Variants in SLC30A5 observed in about 807,000 individuals in gnomAD.
SLC30A5 encodes the protein proton-coupled zinc antiporter SLC30A5.
SLC30A5 carries 33 observed loss-of-function variants against 79.6 expected under a neutral mutation model. The observed-to-expected ratio is 0.41, with a 90% CI of 0.31 to 0.55. SLC30A5 has a LOEUF of 0.55. SLC30A5 is among the 20% of genes least tolerant of loss of function. SLC30A5 has a pLI of 0.20. For missense variants in SLC30A5, 788 were observed against 928.1 expected (o/e 0.85, Z 1.96); for synonymous variants, 299 against 319.7 (o/e 0.94, Z 0.69).
In SLC30A5 at chr5:69,116,440, C is replaced by A; in HGVS notation, c.1119C>A (p.Thr373=). 6.2e-7 allele frequency: 1 copy of A among 1,611,412 alleles called. No homozygotes were observed. Among genetic ancestry groups the A allele is most frequent in the South Asian group, 1.1e-5 (1 of 90,412 alleles). Residue 373 remains threonine, a synonymous_variant, in exon 10 of 16, where the codon ACC becomes ACA. Transcript: ENST00000396591. This position sits in a 1 kb window ranked among gnomAD's most constrained non-coding sequence, Gnocchi z 4.0. ...SSPSKRGQKG[T]LIGYSPEGTP... The stretch of plus-strand genomic sequence containing the variant: ...CCTCTAAGAGAGGACAAAAAGGTAC[C>A]CTTATTGGATATTCTCCTGAAGGAA...
rs765849265 is a variant in SLC30A5 at position 69,100,868 on chromosome 5, G to A, written c.145G>A (p.Glu49Lys). ...ATTTTTGAAGGCTGTGGGACTTTTCGAATCATATGATCTCCTAAAAGCTGT... is the reference window on the plus strand; with the variant it reads ...ATTTTTGAAGGCTGTGGGACTTTTCAAATCATATGATCTCCTAAAAGCTGT... Reference protein sequence around the residue: ...TKFLKAVGLFESYDLLKAVHI... With the variant: ...TKFLKAVGLFKSYDLLKAVHI... The change falls in exon 2 of 16, where the codon GAA becomes AAA. Residue 49 changes from glutamate to lysine, a missense_variant. Around this residue, in one of 3 missense-constraint regions of SLC30A5, gnomAD observed 626 missense variants for 755.5 expected, o/e 0.83. Transcript: ENST00000396591. 49 of 1,594,242 alleles carry A rather than the reference G, an allele frequency of 3.1e-5. No individual in the cohort carries two copies. Among genetic ancestry groups the A allele is most frequent in the Non-Finnish European group, 3.9e-5 (45 of 1,167,420 alleles).
chr5:69,113,244 G>C lies in SLC30A5; in HGVS notation c.535+17G>C. 6.3e-7 allele frequency: 1 copy of C among 1,595,656 alleles called. No homozygotes were observed. The highest frequency in any genetic ancestry group is 1.4e-5 in the African/African-American group (1 of 73,812). On this transcript the variant is annotated intron_variant, in intron 6 of 15. Coordinates refer to ENST00000396591, the MANE Select transcript of SLC30A5 (RefSeq NM_022902.5). The stretch of plus-strand genomic sequence containing the variant: ...CTGAACACCGTATCCTTTTGGAATA[G>C]ATCAGAGTTGTTTCAAGTCTTGAGG...
chr5:69,122,424 TG>T (rs1746561288), intron 13 of SLC30A5, among the ~76,000 whole-genome samples: 2 of 152,008 alleles, frequency 1.3e-5, no homozygotes, highest in African/African-American at 4.8e-5. Flanking sequence ...GAGGCCAAGG[TG>T]GGTGGATCAC....
chr5:69,112,396 C>A (rs564570035), intron 5 of SLC30A5, among the ~76,000 whole-genome samples: 5 of 152,098 alleles, frequency 3.3e-5, no homozygotes, highest in African/African-American at 9.6e-5. Flanking sequence ...CTATAATTTT[C>A]TTTTATGAAA....
At chr5:69,115,128 C>T (rs59710348) in intron 7 of SLC30A5, 109 bp from the exon 8 acceptor site, 22 of 794,878 alleles carry the variant, frequency 2.8e-5, no homozygotes, top group Non-Finnish European at 4.0e-5. Flanking sequence ...AAGACCCTGT[C>T]TCTGGGGAAA....
rs201680355 is a variant in SLC30A5, at chr5:69,115,933, T to C, written c.791T>C (p.Val264Ala). Residue 264 changes from valine (V) to alanine (A), a missense_variant, in exon 9 of 16, where the codon GTG (valine) becomes GCG (alanine). By Grantham distance (64) the Val-to-Ala change is moderately conservative (BLOSUM62 0). This residue lies in a region of SLC30A5 where 626 missense variants were observed against 755.5 expected (regional missense o/e 0.83). Coordinates refer to ENST00000396591, the MANE Select transcript of SLC30A5 (RefSeq NM_022902.5). Reference protein sequence around the residue: ...IVLSVTTESKVESWFSLIMPF... With the variant: ...IVLSVTTESKAESWFSLIMPF... ...CTTTTTTTTAATTTCTAGAGTAAAG[T>C]GGAGTCTTGGTTTTCTCTCATTATG... is the stretch of plus-strand genomic sequence containing the variant. The C allele has an allele frequency of 6.2e-7, 1 of 1,607,788 alleles. No homozygotes were observed. The highest frequency in any genetic ancestry group is 8.5e-7 in the Non-Finnish European group (1 of 1,176,884).
Position 69,116,590 on chromosome 5 carries a change from G to C in SLC30A5, c.1269G>C (p.Leu423Phe). ...ESDSRQIFYFLCLNLLFTFVE... is the reference protein window; with the variant it reads ...ESDSRQIFYFFCLNLLFTFVE... ...ACTCTAGGCAGATCTTTTACTTCTT[G>C]TGCTTGAATCTGGTAAGATTTTTAA... Residue 423 changes from leucine (L) to phenylalanine (F), a missense_variant, in exon 10 of 16, where the codon TTG (leucine) becomes TTC (phenylalanine). Coordinates refer to ENST00000396591, the MANE Select transcript of SLC30A5 (RefSeq NM_022902.5). This position sits in a 1 kb window ranked among gnomAD's most constrained non-coding sequence, Gnocchi z 4.0. The C allele has an allele frequency of 6.4e-7, 1 of 1,555,202 alleles. No homozygotes were observed. The highest frequency in any genetic ancestry group is 8.6e-7 in the Non-Finnish European group (1 of 1,156,824).
chr5:69,101,969 A>G (rs1361621807), intron 2 of SLC30A5, among the ~76,000 whole-genome samples: 1 of 151,406 alleles, frequency 6.6e-6, no homozygotes, highest in Non-Finnish European at 1.5e-5. Flanking sequence ...AAAAAAAACA[A>G]AAACAACACT....
At position 69,104,203 on chromosome 5, in the gene SLC30A5, T is replaced by G. The variant is rs545763869; in HGVS notation, c.274-428T>G. On this transcript the variant is annotated intron_variant, in intron 3 of 15. Transcript: ENST00000396591. ...CCCAGGCTGCAGTGCAGTGACACGA[T>G]CTTGTCTCACTGCAACCTCTGCCTC... The G allele has an allele frequency of 2.6e-4, 233 of 901,352 alleles. No individual in the cohort carries two copies. In the African/African-American group the frequency reaches 4.0e-3, roughly 15 times the overall value. 55.8% of individuals were successfully genotyped at this position (901,352 alleles called of 1,614,324 possible).
intron 3 of SLC30A5, 106 bp from the exon 4 acceptor site, chr5:69,104,525 C>T: frequency 1.4e-6 from 2 of 1,397,014 alleles, no homozygotes; most frequent in Non-Finnish European, 1.9e-6. Context: ...ATGATTTCAC[C>T]TTTAAAATAT....
rs1746588150 is a variant in SLC30A5, at chr5:69,123,374, C to G, written c.1947C>G (p.Leu649=). ...TTAAAGATGCCTGCCAGGTTCTACT[C>G]CTGAGATTGCCACCAGAATATGAAA... is the stretch of plus-strand genomic sequence containing the variant. ...PLIKDACQVL[L]LRLPPEYEKE... The change falls in exon 14 of 16, where the codon CTC becomes CTG. Residue 649 remains leucine (L), a synonymous_variant. Coordinates refer to ENST00000396591, the MANE Select transcript of SLC30A5 (RefSeq NM_022902.5). 6.2e-7 allele frequency: 1 copy of G among 1,613,854 alleles called. No individual in the cohort carries two copies. The highest frequency in any genetic ancestry group is 8.5e-7 in the Non-Finnish European group (1 of 1,179,974).
At chr5:69,104,850 T>A in intron 4 of SLC30A5, 134 bp downstream of exon 4, 1 of 809,414 alleles carries the variant, frequency 1.2e-6, no homozygotes. Flanking sequence ...CAGAGAGAAT[T>A]CAACAGATAG....
At chr5:69,128,965 T>C (rs1281837530) in intron 15 of SLC30A5, among the ~76,000 whole-genome samples, 4 of 152,156 alleles carry the variant, frequency 2.6e-5, no homozygotes, top group Admixed American at 2.0e-4. Flanking sequence ...CGAAGATTTA[T>C]CTTGGACTAC....
Position 69,121,675 on chromosome 5 carries a change from T to C in SLC30A5, c.1570-19T>C, listed in dbSNP as rs1368421371. 1.3e-6 allele frequency: 2 copies of C among 1,560,434 alleles called. No homozygotes were observed. Among genetic ancestry groups the C allele is most frequent in the South Asian group, 1.2e-5 (1 of 84,542 alleles). ...TTTTAAATTACTAATTTAAAGGTTT[T>C]TTTTCTCCCTTTTGCTAGCCAGTCT... On this transcript the variant is annotated intron_variant, in intron 12 of 15. Coordinates refer to ENST00000396591, the MANE Select transcript of SLC30A5 (RefSeq NM_022902.5).
At chr5:69,124,982 G>A (rs560724011) in intron 14 of SLC30A5, among the ~76,000 whole-genome samples, 2 of 152,378 alleles carry the variant, frequency 1.3e-5, no homozygotes, top group Admixed American at 6.5e-5. Flanking sequence ...AAAATTGCCA[G>A]TTGGTGGAAG....
At position 69,121,883 on chromosome 5, in the gene SLC30A5, G is replaced by A. The variant is rs753201497; in HGVS notation, c.1759G>A (p.Ala587Thr). Residue 587 changes from alanine to threonine, a missense_variant, in exon 13 of 16, where the codon GCT (alanine) becomes ACT (threonine). Physicochemically the swap from Ala to Thr is moderately conservative, Grantham distance 58. Coordinates refer to ENST00000396591, the MANE Select transcript of SLC30A5 (RefSeq NM_022902.5). ...SHGSAGGGMN[A>T]NMRGVFLHVL... ...CGGATCTGCGGGTGGAGGCATGAAT[G>A]CTAACATGAGGGGTGAGTCCTTGCA... The A allele has an allele frequency of 1.2e-6, 2 of 1,613,206 alleles. No individual in the cohort carries two copies. Among genetic ancestry groups the A allele is most frequent in the South Asian group, 2.2e-5 (2 of 90,956 alleles).
At chr5:69,107,248 A>ACATCTTGTCC (rs1289999732) in intron 4 of SLC30A5, among the ~76,000 whole-genome samples, 1 of 152,110 alleles carries the variant, frequency 6.6e-6, no homozygotes, top group Non-Finnish European at 1.5e-5. Flanking sequence ...TTCTACCTCC[A>ACATCTTGTCC]CATCTTGTCC....
chr5:69,116,498 C>A lies in SLC30A5; in HGVS notation c.1177C>A (p.Gln393Lys). Reference protein sequence around the residue: ...PLYNFMGDAFQHSSQSIPRFI... With the variant: ...PLYNFMGDAFKHSSQSIPRFI... ...TTATAACTTCATGGGTGATGCTTTT[C>A]AGCATAGCTCTCAATCGATCCCTAG... Residue 393 changes from glutamine (Q) to lysine (K), a missense_variant, in exon 10 of 16, where the codon CAG becomes AAG. Around this residue, in one of 3 missense-constraint regions of SLC30A5, gnomAD observed 626 missense variants for 755.5 expected, o/e 0.83. Transcript: ENST00000396591. The surrounding 1 kb of genome is among the most constrained non-coding windows in gnomAD (Gnocchi z 4.0). The A allele has an allele frequency of 6.2e-7, 1 of 1,612,616 alleles. No individual in the cohort carries two copies. The highest frequency in any genetic ancestry group is 1.3e-5 in the African/African-American group (1 of 75,022).
intron 5 of SLC30A5, among the ~76,000 whole-genome samples, chr5:69,111,494 C>T (rs1746231983): frequency 6.6e-6 from 1 of 151,572 alleles, no homozygotes. Context: ...TTAGTAGAGA[C>T]AGGGTTTCAC....
Sources: gnomAD v4.1 joint callset for allele counts (sites outside exome capture counted in the v4.1 genomes callset) on GRCh38, gnomAD v4.1.1 for gene constraint, gnomAD v4.1.1 regional missense constraint, Gnocchi (gnomAD v3.1) non-coding constraint, MANE v1.5 for transcripts, NCBI Gene and HGNC (gene_info 2026-07-23, HGNC 2026-07-21) for gene names.